The following RAB11FIP1 variants were observed in gnomAD, a reference collection of about 807,000 sequenced individuals.
RAB11FIP1 encodes RAB11 family interacting protein 1, also known as rab11 family-interacting protein 1.
RAB11FIP1 carries 49 observed loss-of-function variants against 83.1 expected under a neutral mutation model. The ratio of observed to expected loss-of-function variants is 0.59; its 90% CI spans 0.47 to 0.75. The LOEUF is 0.75. Ranked by LOEUF, RAB11FIP1 falls within the 30% of genes least tolerant of loss-of-function variation. RAB11FIP1 has a pLI of 0.00. For missense variants in RAB11FIP1, 1,536 were observed against 1,598.7 expected, an observed-to-expected ratio of 0.96 and a Z score of 0.67; for synonymous variants, 670 against 656.0, an observed-to-expected ratio of 1.02 and a Z score of -0.33.
chr8:37,874,591 C>T lies in RAB11FIP1; in HGVS notation c.1546G>A (p.Glu516Lys). Reference protein sequence around the residue: ...EDVQITEPEAEPESKSEPRPP... With the variant: ...EDVQITEPEAKPESKSEPRPP... ...CTCGGTTCAGACTTGGACTCTGGCT[C>T]AGCTTCTGGTTCTGTGATCTGCACA... The change falls in exon 3 of 6, where the codon GAG becomes AAG. Residue 516 changes from glutamate to lysine, a missense_variant. Transcript: ENST00000330843. 1 of 1,614,180 alleles carries T rather than the reference C, an allele frequency of 6.2e-7. No individual in the cohort carries two copies.
intron 1 of RAB11FIP1, among the ~76,000 whole-genome samples, chr8:37,888,693 G>C (rs1001347322): frequency 1.3e-5 from 2 of 151,204 alleles, no homozygotes; most frequent in African/African-American, 4.9e-5. Context: ...GCTTAAGCTG[G>C]TTTTAAACTC....
rs1806632317 is a variant in RAB11FIP1 at position 37,877,141 on chromosome 8, T to A, written c.782A>T (p.Asp261Val). 6.2e-7 allele frequency: 1 copy of A among 1,613,866 alleles called. No homozygotes were observed. Among genetic ancestry groups the A allele is most frequent in the South Asian group, 1.1e-5 (1 of 91,078 alleles). ...GGCCGAGGAGGACTCATCCTCATTGTCATCTTCATCCCACTGGGACTGAAA... is the reference window on the plus strand; with the variant it reads ...GGCCGAGGAGGACTCATCCTCATTGACATCTTCATCCCACTGGGACTGAAA... Reference protein sequence around the residue: ...GDFQSQWDEDDNEDESSSASD... With the variant: ...GDFQSQWDEDVNEDESSSASD... Residue 261 changes from aspartate (D) to valine (V), a missense_variant, in exon 2 of 6, where the codon GAC (aspartate) becomes GTC (valine). By Grantham distance (152) the Asp-to-Val change is radical (BLOSUM62 -3). Coordinates refer to ENST00000330843, the MANE Select transcript of RAB11FIP1 (RefSeq NM_001002814.3).
At chr8:37,864,494 A>G (rs1806304047) in intron 5 of RAB11FIP1, among the ~76,000 whole-genome samples, 1 of 152,198 alleles carries the variant, frequency 6.6e-6, no homozygotes, top group African/African-American at 2.4e-5. Flanking sequence ...GAAGGCCAAG[A>G]GACTACCTTC....
chr8:37,862,931 G>A lies in RAB11FIP1; in HGVS notation c.3816C>T (p.Ile1272=), dbSNP rs1182372367. The change falls in exon 6 of 6, where the codon ATC becomes ATT. Residue 1272 remains isoleucine (I), a synonymous_variant. Coordinates refer to ENST00000330843, the MANE Select transcript of RAB11FIP1 (RefSeq NM_001002814.3). ...CTGCTTTTTTGCCAACCTGAGTCGG[G>A]ATGCGGAGGATATTGGGGGTTTCTT... ...VMEETPNILR[I]PTQVGKKAGK... 2.5e-6 allele frequency: 4 copies of A among 1,612,874 alleles called. No homozygotes were observed. Among genetic ancestry groups the A allele is most frequent in the East Asian group, 2.2e-5 (1 of 44,856 alleles).
intron 1 of RAB11FIP1, among the ~76,000 whole-genome samples, chr8:37,886,915 C>A (rs73676725): frequency 0.048 from 7,299 of 152,240 alleles, 601 homozygotes; most frequent in African/African-American, 0.17. Context: ...ACCTAGAAGC[C>A]ATGCACAGCA....
intron 1 of RAB11FIP1, among the ~76,000 whole-genome samples, chr8:37,886,904 C>G (rs1047425939): frequency 2.0e-5 from 3 of 152,202 alleles, no homozygotes; most frequent in Non-Finnish European, 4.4e-5. Flanking sequence ...TTCTTCTGGT[C>G]ACCTAGAAGC....
chr8:37,866,004 A>G (rs554221528), intron 5 of RAB11FIP1, among the ~76,000 whole-genome samples: 1 of 152,312 alleles, frequency 6.6e-6, no homozygotes, highest in African/African-American at 2.4e-5. Context: ...AAAGGACTTG[A>G]AAATCATTAG....
intron 1 of RAB11FIP1, among the ~76,000 whole-genome samples, chr8:37,895,092 C>A (rs1807037550): frequency 7.1e-6 from 1 of 140,482 alleles, no homozygotes; most frequent in African/African-American, 2.6e-5. Context: ...TAGAGACAGG[C>A]TTTTACTCTG....
intron 4 of RAB11FIP1, chr8:37,870,921 G>T: frequency 3.4e-6 from 1 of 291,592 alleles, no homozygotes; most frequent in Non-Finnish European, 6.4e-6. Flanking sequence ...CAAGCTTCAC[G>T]TTGGGGAGTG....
chr8:37,871,615 C>T lies in RAB11FIP1; in HGVS notation c.3187G>A (p.Asp1063Asn), dbSNP rs367640796. ...CCACTGGGGCCTGGCAGCTGTTTAT[C>T]CAAGCTTGAGCTCTTGCCAAGATGT... ...KPHLGKSSSLDKQLPGPSGGE... is the reference protein window; with the variant it reads ...KPHLGKSSSLNKQLPGPSGGE... Residue 1063 changes from aspartate (D) to asparagine (N), a missense_variant, in exon 4 of 6, where the codon GAT becomes AAT. By Grantham distance (23) the Asp-to-Asn change is conservative. Coordinates refer to ENST00000330843, the MANE Select transcript of RAB11FIP1 (RefSeq NM_001002814.3). 6.9e-6 allele frequency: 11 copies of T among 1,605,348 alleles called. No individual in the cohort carries two copies. In the Middle Eastern group the frequency reaches 6.6e-4, roughly 97 times the overall value.
Position 37,862,012 on chromosome 8 carries a change from A to G in RAB11FIP1, c.*883T>C, listed in dbSNP as rs1286171518. ...GGGAAAAGGCCAAGCAATCGTATTG[A>G]CATCATTCCACACCTGGAGAACTGT... On this transcript the variant is annotated 3_prime_UTR_variant, in exon 6 of 6. Coordinates refer to ENST00000330843, the MANE Select transcript of RAB11FIP1 (RefSeq NM_001002814.3). 2.3e-5 allele frequency: 4 copies of G among 173,176 alleles called. No individual in the cohort carries two copies. Among genetic ancestry groups the G allele is most frequent in the Admixed American group, 5.6e-5 (1 of 18,004 alleles). The allele number at this position is 173,176 out of a possible 1,614,324, so 10.7% of individuals were successfully genotyped here. A position where few individuals can be genotyped will look rare whatever the true frequency, so the allele number is the denominator to read the frequency against.
In RAB11FIP1 at chr8:37,872,138, G is replaced by C. The variant is rs1563367287; in HGVS notation, c.2664C>G (p.Pro888=). ...PASPADHLLL[P]SQEESFSEVP... ...CTTCGGAGAAACTCTCCTCCTGGGA[G>C]GGGAGGAGGAGGTGATCCGCTGGGG... Residue 888 remains proline, a synonymous_variant, in exon 4 of 6, where the codon CCC becomes CCG. Coordinates refer to ENST00000330843, the MANE Select transcript of RAB11FIP1 (RefSeq NM_001002814.3). 3 of 1,613,830 alleles carry C rather than the reference G, an allele frequency of 1.9e-6. No individual in the cohort carries two copies. Among genetic ancestry groups the C allele is most frequent in the East Asian group, 2.2e-5 (1 of 44,868 alleles).
intron 3 of RAB11FIP1, 99 bp from the exon 4 acceptor site, chr8:37,873,278 C>A: frequency 1.5e-6 from 2 of 1,327,020 alleles, no homozygotes; most frequent in Non-Finnish European, 2.0e-6. Context: ...GGGAGAACGT[C>A]TTTACACGTG....
Position 37,872,545 on chromosome 8 carries a change from C to T in RAB11FIP1, c.2257G>A (p.Glu753Lys), listed in dbSNP as rs891641505. Residue 753 changes from glutamate to lysine, a missense_variant, in exon 4 of 6, where the codon GAG becomes AAG. Coordinates refer to ENST00000330843, the MANE Select transcript of RAB11FIP1 (RefSeq NM_001002814.3). ...TCCACAAGAGACCCAGCCTGACTCT[C>T]CAAGTCTCTGTCTCCTCCTGCTGCA... ...ELAAGGDRDL[E>K]SQAGSLVESK... is the part of the protein sequence containing the mutation. The T allele has an allele frequency of 5.0e-6, 8 of 1,614,248 alleles. No homozygotes were observed. Among genetic ancestry groups the T allele is most frequent in the Admixed American group, 1.7e-5 (1 of 60,030 alleles).
chr8:37,866,817 C>A lies in RAB11FIP1; in HGVS notation c.3633+3603G>T, dbSNP rs116542967. On this transcript the variant is annotated intron_variant, in intron 5 of 5. Transcript: ENST00000330843. ...TTATAAATACTGTCTTGTGCCTTAA[C>A]ACAAAGCATCTATCACGTGGCAGGC... Among the ~76,000 whole-genome samples, 1,512 of 152,262 alleles carry A rather than the reference C, an allele frequency of 9.9e-3. 27 individuals carry two copies. Among genetic ancestry groups the A allele is most frequent in the African/African-American group, 0.033 (1,373 of 41,546 alleles).
chr8:37,863,168 C>T (rs2130121124), intron 5 of RAB11FIP1, 55 bp from the exon 6 acceptor site: 1 of 1,389,588 alleles, frequency 7.2e-7, no homozygotes. Context: ...AGCACAGAAA[C>T]CTAAAACCTA....
In RAB11FIP1 at chr8:37,875,158, C is replaced by A. The variant is rs2130154116; in HGVS notation, c.979G>T (p.Glu327Ter). 2 of 1,614,050 alleles carry A rather than the reference C, an allele frequency of 1.2e-6. No homozygotes were observed. Among genetic ancestry groups the A allele is most frequent in the East Asian group, 4.5e-5 (2 of 44,872 alleles). The change falls in exon 3 of 6, where the codon GAG becomes TAG. Residue 327 changes from glutamate to a stop codon, truncating the protein, a stop_gained. Coordinates refer to ENST00000330843, the MANE Select transcript of RAB11FIP1 (RefSeq NM_001002814.3). LOFTEE classifies it high-confidence loss of function. ...ATCTCACCCTTGGCTTCTGGCTGCT[C>A]CAGGTAAACATGGTTCCCATTGATG... ...VCINGNHVYL[E>*]QPEAKGEIKD...
intron 5 of RAB11FIP1, among the ~76,000 whole-genome samples, chr8:37,863,345 A>G (rs1389937357): frequency 6.6e-6 from 1 of 152,122 alleles, no homozygotes; most frequent in Admixed American, 6.5e-5. Context: ...TCCTGGGTTC[A>G]AGTGATTCTC....
intron 1 of RAB11FIP1, among the ~76,000 whole-genome samples, chr8:37,889,471 C>G (rs1237312451): frequency 6.6e-6 from 1 of 152,206 alleles, no homozygotes; most frequent in Admixed American, 6.5e-5. Context: ...AGTATCTCAC[C>G]TCTTGCTCAA....
Sources: gnomAD v4.1 joint callset for allele counts (sites outside exome capture counted in the v4.1 genomes callset) on GRCh38, gnomAD v4.1.1 for gene constraint, MANE v1.5 for transcripts, NCBI Gene and HGNC (gene_info 2026-07-23, HGNC 2026-07-21) for gene names.